The following AGMO variants were observed in gnomAD, a reference collection of about 807,000 sequenced individuals.
AGMO encodes the protein alkylglycerol monooxygenase, also known as glyceryl-ether monooxygenase.
In AGMO, 75 loss-of-function variants were observed where a neutral mutation model predicts 60.2. The ratio of observed to expected loss-of-function variants is 1.25; its 90% CI spans 1.03 to 1.51. The LOEUF (loss-of-function observed/expected upper bound fraction) is 1.51, where lower values mean the gene tolerates loss of function less well. Ranked by LOEUF, AGMO falls within the 40% of genes most tolerant of loss-of-function variation. The pLI is 0.00. For synonymous variants in AGMO, 261 were observed against 177.1 expected, an observed-to-expected ratio of 1.47 and a Z score of -3.76; for missense variants, 763 against 525.5, an observed-to-expected ratio of 1.45 and a Z score of -4.42.
intron 12 of AGMO, among the ~76,000 whole-genome samples, chr7:15,240,226 C>T (rs910489636): frequency 3.9e-5 from 6 of 151,948 alleles, no homozygotes; most frequent in South Asian, 2.1e-4. Flanking sequence ...AAATACAGGA[C>T]GACAAGTTAA....
At chr7:15,154,535 T>C in the AGMO span, among the ~76,000 whole-genome samples, 1 of 152,194 alleles carries the variant, frequency 6.6e-6, no homozygotes, top group Non-Finnish European at 1.5e-5. Context: ...CAGCATTCAG[T>C]TGGGTCTTGC....
At chr7:15,539,863 T>C (rs1233979228) in intron 3 of AGMO, among the ~76,000 whole-genome samples, 1 of 152,178 alleles carries the variant, frequency 6.6e-6, no homozygotes, top group Non-Finnish European at 1.5e-5. Flanking sequence ...TACTGTGGTT[T>C]TGATTTTCAT....
chr7:15,489,579 G>A (rs1416408504), intron 3 of AGMO, among the ~76,000 whole-genome samples: 1 of 152,124 alleles, frequency 6.6e-6, no homozygotes, highest in Non-Finnish European at 1.5e-5. Context: ...ATCACCAGAG[G>A]CCTTCTTCGT....
Position 15,560,157 on chromosome 7 carries a change from G to A in AGMO, c.241C>T (p.Leu81=), listed in dbSNP as rs1421658018. 4 of 1,610,562 alleles carry A rather than the reference G, an allele frequency of 2.5e-6. No homozygotes were observed. Among genetic ancestry groups the A allele is most frequent in the African/African-American group, 1.3e-5 (1 of 74,762 alleles). Reference sequence around the variant, plus strand: ...CTAACTCACCTTGGAAGTCGAGACAGAACACCAGCTGAGATTGACGTTAAA... The same window carrying A: ...CTAACTCACCTTGGAAGTCGAGACAAAACACCAGCTGAGATTGACGTTAAA... ...DALTSISAGV[L]SRLPSLFFRS... is the part of the protein sequence containing the mutation. The change falls in exon 2 of 13, where the codon CTG becomes TTG. Residue 81 remains leucine, a synonymous_variant. Coordinates refer to ENST00000342526, the MANE Select transcript of AGMO (RefSeq NM_001004320.2).
intron 4 of AGMO, among the ~76,000 whole-genome samples, chr7:15,427,134 G>A (rs142259759): frequency 8.3e-4 from 126 of 152,192 alleles, no homozygotes; most frequent in East Asian, 5.8e-3. Flanking sequence ...TGATATATTT[G>A]TTGCTCTTTA....
the AGMO span, among the ~76,000 whole-genome samples, chr7:15,154,792 G>T: frequency 6.6e-6 from 1 of 152,080 alleles, no homozygotes; most frequent in Admixed American, 6.6e-5. Context: ...AGGCAGGTCT[G>T]GTGGTAACAA....
chr7:15,163,225 G>A, the AGMO span, among the ~76,000 whole-genome samples: 4 of 152,172 alleles, frequency 2.6e-5, no homozygotes, highest in African/African-American at 7.2e-5. Flanking sequence ...TCTTTTGAAG[G>A]GATCTTTAGG....
chr7:15,326,336 GGAT>G (rs1228957522), intron 12 of AGMO, among the ~76,000 whole-genome samples: 6 of 152,150 alleles, frequency 3.9e-5, no homozygotes, highest in African/African-American at 1.4e-4. Flanking sequence ...AAGGGGTAAG[GGAT>G]GATAGGTGTT....
At chr7:15,386,546 CG>C (rs1407815894) in intron 9 of AGMO, among the ~76,000 whole-genome samples, 2 of 152,066 alleles carry the variant, frequency 1.3e-5, no homozygotes, top group South Asian at 2.1e-4. Flanking sequence ...TGAACATAAA[CG>C]GAAGTGGGAA....
At chr7:15,344,611 T>C (rs563013188) in intron 12 of AGMO, among the ~76,000 whole-genome samples, 27 of 152,108 alleles carry the variant, frequency 1.8e-4, no homozygotes, top group Non-Finnish European at 3.5e-4. Flanking sequence ...AGTGTAAGGA[T>C]TGCTGGAGCT....
At chr7:15,320,461 AATTG>A (rs1583403305) in intron 12 of AGMO, among the ~76,000 whole-genome samples, 1 of 152,082 alleles carries the variant, frequency 6.6e-6, no homozygotes, top group East Asian at 1.9e-4. Context: ...AAAGACTCTA[AATTG>A]ATTATGATTA....
At chr7:15,371,459 C>G (rs1046753786) in intron 10 of AGMO, among the ~76,000 whole-genome samples, 1 of 151,848 alleles carries the variant, frequency 6.6e-6, no homozygotes, top group Admixed American at 6.6e-5. Context: ...GGCGCCATCT[C>G]GGCTCACTGC....
chr7:15,270,707 G>C (rs1186607036), intron 12 of AGMO, among the ~76,000 whole-genome samples: 2 of 134,722 alleles, frequency 1.5e-5, no homozygotes, highest in African/African-American at 2.7e-5. Context: ...ATTTGCTTTT[G>C]GGATCTTCTT....
intron 3 of AGMO, among the ~76,000 whole-genome samples, chr7:15,433,253 G>A (rs1378112162): frequency 2.0e-5 from 3 of 151,972 alleles, no homozygotes; most frequent in Admixed American, 2.0e-4. Flanking sequence ...GAAGCTAAAC[G>A]GTGAAACAAA....
chr7:15,180,236 T>A, the AGMO span, among the ~76,000 whole-genome samples: 2 of 152,194 alleles, frequency 1.3e-5, no homozygotes, highest in East Asian at 3.9e-4. Context: ...CTACTTTGCT[T>A]CCCTTTTAAT....
the AGMO span, among the ~76,000 whole-genome samples, chr7:15,187,969 C>G: frequency 6.6e-6 from 1 of 152,096 alleles, no homozygotes; most frequent in Admixed American, 6.6e-5. Context: ...TAACAGTGCT[C>G]AACTGACATT....
intron 3 of AGMO, among the ~76,000 whole-genome samples, chr7:15,469,715 T>C (rs1232086316): frequency 6.6e-6 from 1 of 152,068 alleles, no homozygotes; most frequent in Non-Finnish European, 1.5e-5. Context: ...GGTTATGAGA[T>C]GGTGATGATA....
At chr7:15,518,136 C>G (rs1437880953) in intron 3 of AGMO, among the ~76,000 whole-genome samples, 1 of 152,090 alleles carries the variant, frequency 6.6e-6, no homozygotes, top group Non-Finnish European at 1.5e-5. Flanking sequence ...GTGGGCAGGG[C>G]ATCTCCGAAA....
chr7:15,376,113 TCC>T (rs2128568644), intron 10 of AGMO, among the ~76,000 whole-genome samples: 1 of 152,250 alleles, frequency 6.6e-6, no homozygotes, highest in African/African-American at 2.4e-5. Flanking sequence ...TTAATAGTCT[TCC>T]GTTACTACAA....
Sources: gnomAD v4.1 joint callset for allele counts (sites outside exome capture counted in the v4.1 genomes callset) on GRCh38, gnomAD v4.1.1 for gene constraint, MANE v1.5 for transcripts, NCBI Gene and HGNC (gene_info 2026-07-23, HGNC 2026-07-21) for gene names.